The following CD47 variants were observed in gnomAD, a reference collection of about 807,000 sequenced individuals.
CD47 encodes the protein leukocyte surface antigen CD47.
CD47 carries 11 observed loss-of-function variants against 44.6 expected under a neutral mutation model. The ratio of observed to expected loss-of-function variants is 0.25; its 90% CI spans 0.16 to 0.41. The LOEUF (loss-of-function observed/expected upper bound fraction) is 0.41, where lower values mean the gene tolerates loss of function less well. Ranked by LOEUF, CD47 falls within the 10% of genes least tolerant of loss-of-function variation. The pLI, the probability that CD47 is intolerant of heterozygous loss-of-function variation, is 1.00. For missense variants in CD47, 306 were observed against 386.7 expected (o/e 0.79, Z 1.75); for synonymous variants, 140 against 136.3 (o/e 1.03, Z -0.19).
intron 1 of CD47, among the ~76,000 whole-genome samples, chr3:108,086,563 C>A (rs903721048): frequency 2.0e-4 from 31 of 152,230 alleles, no homozygotes; most frequent in African/African-American, 7.0e-4. Flanking sequence ...AGATCTGATG[C>A]ACACTATGTT....
rs1657397432 is a variant in CD47, at chr3:108,046,394, ACATATGTTACAAC to A, written c.*881_*893del. On this transcript the variant is annotated 3_prime_UTR_variant, in exon 11 of 11. Transcript: ENST00000361309. ...TGCCTTCAAATCAGAGGAAGGGAAT[ACATATGTTACAAC>A]CATAGCTATTTTTGCTGAAAAGTGT... The A allele has an allele frequency of 6.6e-6, 1 of 152,656 alleles. No individual in the cohort carries two copies. The highest frequency in any genetic ancestry group is 2.1e-4 in the South Asian group (1 of 4,830). The allele number at this position is 152,656 out of a possible 1,614,324, so 9.5% of individuals were successfully genotyped here. A position where few individuals can be genotyped will look rare whatever the true frequency, so the allele number is the denominator to read the frequency against.
intron 1 of CD47, among the ~76,000 whole-genome samples, chr3:108,089,405 T>C (rs1170620992): frequency 6.6e-6 from 1 of 152,232 alleles, no homozygotes; most frequent in Non-Finnish European, 1.5e-5. Context: ...ACTACGTGAT[T>C]TAAATCTAAC....
chr3:108,051,374 A>G (rs193080167), intron 8 of CD47, among the ~76,000 whole-genome samples: 97 of 152,320 alleles, frequency 6.4e-4, no homozygotes, highest in African/African-American at 2.2e-3. Context: ...CTTTCTTGCA[A>G]TTTCCTCAGA....
chr3:108,088,454 C>A (rs775006772), intron 1 of CD47, among the ~76,000 whole-genome samples: 6 of 152,062 alleles, frequency 3.9e-5, no homozygotes, highest in Non-Finnish European at 8.8e-5. Flanking sequence ...ACTGCTGGGG[C>A]GGCCCCATAA....
intron 3 of CD47, among the ~76,000 whole-genome samples, chr3:108,062,507 G>T (rs970547894): frequency 6.6e-6 from 1 of 152,060 alleles, no homozygotes; most frequent in Non-Finnish European, 1.5e-5. Flanking sequence ...ACATTCATAA[G>T]AAACTCTTCC....
chr3:108,086,774 A>T (rs2079529358), intron 1 of CD47, among the ~76,000 whole-genome samples: 1 of 152,148 alleles, frequency 6.6e-6, no homozygotes, highest in Non-Finnish European at 1.5e-5. Flanking sequence ...AAATTTGATC[A>T]TGTGTGCAAG....
At chr3:108,064,236 C>T (rs1334544213) in intron 3 of CD47, among the ~76,000 whole-genome samples, 2 of 152,112 alleles carry the variant, frequency 1.3e-5, no homozygotes, top group Non-Finnish European at 2.9e-5. Flanking sequence ...TGCCTCAAGG[C>T]CCTTACATTC....
intron 9 of CD47, 81 bp downstream of exon 9, chr3:108,050,497 A>G: frequency 1.4e-6 from 1 of 708,816 alleles, no homozygotes; most frequent in East Asian, 2.9e-5. Flanking sequence ...TTCCTAAGGC[A>G]TAGACAGGGC....
intron 3 of CD47, among the ~76,000 whole-genome samples, chr3:108,061,498 GA>G (rs1217874372): frequency 6.6e-6 from 1 of 151,594 alleles, no homozygotes; most frequent in Non-Finnish European, 1.5e-5. Flanking sequence ...TCCTGATGAA[GA>G]AAAAAAGCTT....
chr3:108,047,362 A>C, intron 10 of CD47, 70 bp from the exon 11 acceptor site: 1 of 1,308,540 alleles, frequency 7.6e-7, no homozygotes, highest in South Asian at 1.3e-5. Context: ...AAGTTGACAC[A>C]TTAAAAAAAG....
chr3:108,070,662 CA>C (rs1329588421), intron 3 of CD47, among the ~76,000 whole-genome samples: 1 of 152,082 alleles, frequency 6.6e-6, no homozygotes, highest in African/African-American at 2.4e-5. Context: ...AACACGTGTA[CA>C]CAGAGAAAAT....
chr3:108,055,797 A>C (rs1316918902), intron 7 of CD47, among the ~76,000 whole-genome samples: 1 of 152,188 alleles, frequency 6.6e-6, no homozygotes, highest in Non-Finnish European at 1.5e-5. Flanking sequence ...GTGGTTTCAC[A>C]GGCTTGGAGG....
chr3:108,060,700 A>G (rs1185007527), intron 4 of CD47, 45 bp downstream of exon 4: 1 of 1,265,342 alleles, frequency 7.9e-7, no homozygotes, highest in Non-Finnish European at 1.2e-6. Context: ...CTTGGAATGC[A>G]CTCATCTACC....
intron 3 of CD47, among the ~76,000 whole-genome samples, chr3:108,065,457 T>C (rs551431177): frequency 6.6e-6 from 1 of 152,220 alleles, no homozygotes; most frequent in South Asian, 2.1e-4. Context: ...AATAACAGAA[T>C]GTGATCATTA....
At chr3:108,068,030 C>G (rs941286403) in intron 3 of CD47, among the ~76,000 whole-genome samples, 2 of 152,164 alleles carry the variant, frequency 1.3e-5, no homozygotes, top group African/African-American at 2.4e-5. Context: ...TGAGAGAAAT[C>G]CCCTGTAGCC....
At chr3:108,084,044 T>G (rs2079469532) in intron 1 of CD47, among the ~76,000 whole-genome samples, 2 of 151,974 alleles carry the variant, frequency 1.3e-5, no homozygotes, top group Non-Finnish European at 2.9e-5. Flanking sequence ...TTACAAGGTG[T>G]TGTTTTTGTG....
Position 108,086,255 on chromosome 3 carries a change from T to TA in CD47, c.46+4607dup, listed in dbSNP as rs1053079271. On this transcript the variant is annotated intron_variant, in intron 1 of 10. Transcript: ENST00000361309. ...GTAAACCACTCAGATTTAATTTCAT[T>TA]AAAAAAAAAACATTGACAGCAGTGT... Among the ~76,000 whole-genome samples, 1,121 of 146,962 alleles carry TA rather than the reference T, an allele frequency of 7.6e-3. 9 individuals are homozygous for TA. Among genetic ancestry groups the TA allele is most frequent in the African/African-American group, 0.025 (995 of 40,196 alleles).
chr3:108,051,698 T>G (rs1216514964), intron 8 of CD47: 65 of 616,706 alleles, frequency 1.1e-4, no homozygotes, highest in Non-Finnish European at 3.1e-5. Flanking sequence ...TTTCCAGTTT[T>G]GGGTGTGAGA....
chr3:108,090,924 G>A lies in CD47; in HGVS notation c.-16C>T. The A allele has an allele frequency of 2.7e-6, 4 of 1,467,456 alleles. No homozygotes were observed. Among genetic ancestry groups the A allele is most frequent in the Non-Finnish European group, 3.6e-6 (4 of 1,113,078 alleles). The allele number at this position is 1,467,456 out of a possible 1,614,324, so 90.9% of individuals were successfully genotyped here. On this transcript the variant is annotated 5_prime_UTR_variant, in exon 1 of 11. Transcript: ENST00000361309. ...GGGGCCACATCTCCGCGCCCGCCGC[G>A]GGGTCGCCGCCGCCGCCGCAGGTGT...
Sources: allele counts gnomAD v4.1 joint callset (sites outside exome capture counted in the v4.1 genomes callset), GRCh38; gene constraint gnomAD v4.1.1; transcripts MANE v1.5; gene names NCBI Gene and HGNC (gene_info 2026-07-23, HGNC 2026-07-21).